PLN: variants seen among roughly 807,000 people sequenced by gnomAD.
The protein encoded by PLN is cardiac phospholamban.
PLN carries 1 observed loss-of-function variant against 3.9 expected under a neutral mutation model. The ratio of observed to expected loss-of-function variants is 0.26; its 90% CI spans 0.09 to 1.23. PLN has a LOEUF of 1.23. Ranked by LOEUF, PLN falls within the 50% of genes most tolerant of loss-of-function variation. The pLI is 0.48. For synonymous variants in PLN, 21 were observed against 20.5 expected (o/e 1.02, Z -0.07); for missense variants, 59 against 62.7 (o/e 0.94, Z 0.20).
At chr6:118,556,032 T>A (rs1778852308) in intron 1 of PLN, among the ~76,000 whole-genome samples, 1 of 152,238 alleles carries the variant, frequency 6.6e-6, no homozygotes, top group Non-Finnish European at 1.5e-5. Context: ...GTACCACATT[T>A]TCTTTATCCA....
chr6:118,549,216 T>G (rs576526734), intron 1 of PLN, among the ~76,000 whole-genome samples: 1 of 152,098 alleles, frequency 6.6e-6, no homozygotes, highest in Non-Finnish European at 1.5e-5. Context: ...TTTCTGCCTA[T>G]TAATGCCTAT....
chr6:118,550,707 A>C lies in PLN; in HGVS notation c.-98+2315A>C, dbSNP rs150055392. 2.4e-3 allele frequency among the ~76,000 whole-genome samples: 369 copies of C among 152,060 alleles called. 1 individual carries two copies. The highest frequency in any genetic ancestry group is 8.5e-3 in the African/African-American group (353 of 41,572). ...CTCTATATACTGATCAGCATGGCTT[A>C]AAGTAAACCATGACACTGACAAACA... On this transcript the variant is annotated intron_variant, in intron 1 of 1. Coordinates refer to ENST00000357525, the MANE Select transcript of PLN (RefSeq NM_002667.5).
intron 1 of PLN, among the ~76,000 whole-genome samples, chr6:118,554,644 G>A (rs1034885251): frequency 6.6e-6 from 1 of 152,124 alleles, no homozygotes; most frequent in African/African-American, 2.4e-5. Context: ...GCTATAATCT[G>A]ACAGATATCC....
intron 1 of PLN, among the ~76,000 whole-genome samples, chr6:118,555,979 TATC>T (rs113829129): frequency 6.6e-6 from 1 of 152,364 alleles, no homozygotes; most frequent in African/African-American, 2.4e-5. Context: ...AAAGACATGA[TATC>T]ATTCTTTTTT....
Position 118,559,111 on chromosome 6 carries a change from T to C in PLN, c.*31T>C. The C allele has an allele frequency of 1.3e-6, 2 of 1,561,734 alleles. No individual in the cohort carries two copies. Among genetic ancestry groups the C allele is most frequent in the Non-Finnish European group, 8.8e-7 (1 of 1,132,130 alleles). ...TGCTACAACCTCTAGATCTGCAGCT[T>C]GCCACATCAGCTTAAAATCTGTCAT... On this transcript the variant is annotated 3_prime_UTR_variant, in exon 2 of 2. Coordinates refer to ENST00000357525, the MANE Select transcript of PLN (RefSeq NM_002667.5).
intron 1 of PLN, among the ~76,000 whole-genome samples, chr6:118,549,226 T>C (rs1476510239): frequency 3.9e-5 from 6 of 151,948 alleles, no homozygotes; most frequent in Non-Finnish European, 5.9e-5. Flanking sequence ...TTAATGCCTA[T>C]AGTTTTGTCA....
chr6:118,551,781 A>T (rs181131643), intron 1 of PLN, among the ~76,000 whole-genome samples: 1 of 152,142 alleles, frequency 6.6e-6, no homozygotes, highest in East Asian at 1.9e-4. Flanking sequence ...GCCAGTCTGG[A>T]CCAACAAAGC....
At chr6:118,549,891 A>G (rs1172642402) in intron 1 of PLN, among the ~76,000 whole-genome samples, 1 of 151,918 alleles carries the variant, frequency 6.6e-6, no homozygotes, top group African/African-American at 2.4e-5. Flanking sequence ...AGTATGTCTC[A>G]GTTAACAGAA....
intron 1 of PLN, among the ~76,000 whole-genome samples, chr6:118,550,808 T>C (rs777809779): frequency 6.6e-6 from 1 of 151,966 alleles, no homozygotes; most frequent in Non-Finnish European, 1.5e-5. Context: ...CAAACTTCTA[T>C]TTTAATTAAA....
chr6:118,554,148 C>G (rs939837294), intron 1 of PLN, among the ~76,000 whole-genome samples: 6 of 152,072 alleles, frequency 3.9e-5, no homozygotes, highest in African/African-American at 1.4e-4. Flanking sequence ...ATTAGCCAGG[C>G]ATGGTGGCGC....
Position 118,559,108 on chromosome 6 carries a change from G to C in PLN, c.*28G>C, listed in dbSNP as rs372970382. 10 of 1,574,076 alleles carry C rather than the reference G, an allele frequency of 6.4e-6. No individual in the cohort carries two copies. Among genetic ancestry groups the C allele is most frequent in the Admixed American group, 1.7e-5 (1 of 59,958 alleles). ...TTCTGCTACAACCTCTAGATCTGCA[G>C]CTTGCCACATCAGCTTAAAATCTGT... On this transcript the variant is annotated 3_prime_UTR_variant, in exon 2 of 2. Transcript: ENST00000357525.
chr6:118,551,260 T>G (rs1333316538), intron 1 of PLN, among the ~76,000 whole-genome samples: 1 of 151,848 alleles, frequency 6.6e-6, no homozygotes, highest in African/African-American at 2.4e-5. Context: ...AGCATACTCA[T>G]AGTCAACTGA....
At chr6:118,558,202 TG>T (rs966987040) in intron 1 of PLN, among the ~76,000 whole-genome samples, 1 of 152,130 alleles carries the variant, frequency 6.6e-6, no homozygotes, top group African/African-American at 2.4e-5. Context: ...CTGCCCGCCT[TG>T]GCCTCCCAAA....
intron 1 of PLN, among the ~76,000 whole-genome samples, chr6:118,549,151 T>C (rs767043846): frequency 6.6e-6 from 1 of 151,918 alleles, no homozygotes; most frequent in Non-Finnish European, 1.5e-5. Context: ...AAAAGTTATT[T>C]TGACACACGA....
chr6:118,559,392 T>A lies in PLN; in HGVS notation c.*312T>A. On this transcript the variant is annotated 3_prime_UTR_variant, in exon 2 of 2. Transcript: ENST00000357525. ...TTTTCTGAAGATGAAGAGTTTAGTT[T>A]TAAAACTGCACTGCCAACAAGTTCA... 1 of 370,094 alleles carries A rather than the reference T, an allele frequency of 2.7e-6. No individual in the cohort carries two copies. Among genetic ancestry groups the A allele is most frequent in the Non-Finnish European group, 5.3e-6 (1 of 187,294 alleles). 22.9% of individuals were successfully genotyped at this position (370,094 alleles called of 1,614,324 possible). A position where few individuals can be genotyped will look rare whatever the true frequency, so the allele number is the denominator to read the frequency against.
chr6:118,558,378 T>C (rs1323651364), intron 1 of PLN, among the ~76,000 whole-genome samples: 1 of 152,168 alleles, frequency 6.6e-6, no homozygotes, highest in Admixed American at 6.6e-5. Flanking sequence ...AAATATGCTA[T>C]AGGAACTTAA....
At chr6:118,554,154 G>C (rs1037247600) in intron 1 of PLN, among the ~76,000 whole-genome samples, 1 of 152,056 alleles carries the variant, frequency 6.6e-6, no homozygotes, top group Non-Finnish European at 1.5e-5. Flanking sequence ...CAGGCATGGT[G>C]GCGCACACCT....
chr6:118,548,520 A>C (rs1778343619), intron 1 of PLN, 128 bp downstream of exon 1: 1 of 152,130 alleles, frequency 6.6e-6, no homozygotes, highest in Non-Finnish European at 1.5e-5. Flanking sequence ...TAGGCAATAA[A>C]ATGACATGAC....
In PLN at chr6:118,561,280, C is replaced by G. The variant is rs1779208337; in HGVS notation, c.*2200C>G. Among the ~76,000 whole-genome samples, 1 of 152,142 alleles carries G rather than the reference C, an allele frequency of 6.6e-6. No individual in the cohort carries two copies. ...TACCAATACAGAAAGTATCCCTAGT[C>G]TTAAAAACAAGTGGAAAATTTGAAC... On this transcript the variant is annotated 3_prime_UTR_variant, in exon 2 of 2. Transcript: ENST00000357525.
Sources: gnomAD v4.1 joint callset for allele counts (sites outside exome capture counted in the v4.1 genomes callset) on GRCh38, gnomAD v4.1.1 for gene constraint, MANE v1.5 for transcripts, NCBI Gene and HGNC (gene_info 2026-07-23, HGNC 2026-07-21) for gene names.